Variants in LRRC27 observed in about 807,000 individuals in gnomAD.
LRRC27 encodes the protein leucine-rich repeat-containing protein 27.
In LRRC27, 57 loss-of-function variants were observed where a neutral mutation model predicts 55.0. The observed-to-expected ratio is 1.04, with a 90% CI of 0.84 to 1.29. The LOEUF is 1.29. Among genes scored for constraint, LRRC27 ranks in the 50% most tolerant of loss-of-function variants. The probability of loss-of-function intolerance (pLI) is 0.00; values close to 1 mark genes in which losing one functional copy is unlikely to be tolerated. For synonymous variants in LRRC27, 278 were observed against 251.9 expected (o/e 1.10, Z -0.98); for missense variants, 721 against 651.5 (o/e 1.11, Z -1.16).
chr10:132,354,677 C>T (rs532284170), intron 7 of LRRC27, among the ~76,000 whole-genome samples: 62 of 152,320 alleles, frequency 4.1e-4, no homozygotes, highest in African/African-American at 1.3e-3. Flanking sequence ...AGAGGTGGGC[C>T]GTGGGCCGGG....
At chr10:132,343,189 C>A (rs1374496014) in intron 4 of LRRC27, among the ~76,000 whole-genome samples, 2 of 152,064 alleles carry the variant, frequency 1.3e-5, no homozygotes. Context: ...GTAGTGCATG[C>A]CTGTGTTCCT....
At chr10:132,373,707 G>GAAGAAGAGGA (rs1276712896) in intron 10 of LRRC27, among the ~76,000 whole-genome samples, 1 of 152,212 alleles carries the variant, frequency 6.6e-6, no homozygotes, top group Non-Finnish European at 1.5e-5. Context: ...AGGAAGGTAA[G>GAAGAAGAGGA]AGTTCCAGAA....
At chr10:132,352,136 C>T (rs1182891029) in intron 7 of LRRC27, among the ~76,000 whole-genome samples, 2 of 77,266 alleles carry the variant, frequency 2.6e-5, no homozygotes, top group African/African-American at 4.5e-5. Flanking sequence ...CTGAGGCCTC[C>T]GTGTGGGGCA....
At position 132,375,334 on chromosome 10, in the gene LRRC27, C is replaced by G; in HGVS notation, c.*92C>G. 1 of 1,255,944 alleles carries G rather than the reference C, an allele frequency of 8.0e-7. No homozygotes were observed. The highest frequency in any genetic ancestry group is 1.4e-5 in the South Asian group (1 of 69,814). The allele number at this position is 1,255,944 out of a possible 1,614,324, so 77.8% of individuals were successfully genotyped here. The stretch of plus-strand genomic sequence containing the variant: ...CGCCTCCTGTGTGGTGCCGGAAGAG[C>G]GCCAGGTTCAGTGTTACCCTGAGGG... On this transcript the variant is annotated 3_prime_UTR_variant, in exon 11 of 11. Coordinates refer to ENST00000368614, the MANE Select transcript of LRRC27 (RefSeq NM_030626.3).
At position 132,349,279 on chromosome 10, in the gene LRRC27, T is replaced by A. The variant is rs958920747; in HGVS notation, c.926+923T>A. On this transcript the variant is annotated intron_variant, in intron 6 of 10. Coordinates refer to ENST00000368614, the MANE Select transcript of LRRC27 (RefSeq NM_030626.3). ...GTGGTCCCTCAGGCTCCACGCAGCGTCCAGCACGAGCAGGTTCACAGTGGC... is the reference window on the plus strand; with the variant it reads ...GTGGTCCCTCAGGCTCCACGCAGCGACCAGCACGAGCAGGTTCACAGTGGC... 5.3e-5 allele frequency among the ~76,000 whole-genome samples: 8 copies of A among 152,174 alleles called. 1 individual carries two copies. The highest frequency in any genetic ancestry group is 1.4e-4 in the African/African-American group (6 of 41,440).
intron 3 of LRRC27, 125 bp from the exon 4 acceptor site, chr10:132,342,088 T>C (rs1355127509): frequency 1.6e-6 from 1 of 622,828 alleles, no homozygotes; most frequent in Non-Finnish European, 2.8e-6. Flanking sequence ...TGTTGTAAAT[T>C]TAAGTGTATC....
chr10:132,341,060 C>T (rs2067390278), intron 3 of LRRC27, among the ~76,000 whole-genome samples: 1 of 152,140 alleles, frequency 6.6e-6, no homozygotes, highest in Non-Finnish European at 1.5e-5. Context: ...CTTTGAGAGG[C>T]TGAGGCGGGA....
chr10:132,362,358 A>C (rs2068661822), intron 9 of LRRC27, among the ~76,000 whole-genome samples: 1 of 152,120 alleles, frequency 6.6e-6, no homozygotes, highest in Admixed American at 6.5e-5. Context: ...GGGGAAGGGT[A>C]GGGGCTCAGA....
intron 9 of LRRC27, among the ~76,000 whole-genome samples, chr10:132,364,371 ACCCACCCACACTTACACCCACC>A: frequency 7.2e-5 from 1 of 13,828 alleles, no homozygotes; most frequent in South Asian, 6.7e-3. Flanking sequence ...CCGCGCTTAC[ACCCACCCACACTTACACCCACC>A]CTTACATCTA....
At chr10:132,364,880 C>G (rs1035581572) in intron 9 of LRRC27, among the ~76,000 whole-genome samples, 1 of 17,230 alleles carries the variant, frequency 5.8e-5, no homozygotes, top group East Asian at 1.4e-3. Context: ...GGAGTGGACC[C>G]CGCCACCCCA....
intron 6 of LRRC27, chr10:132,349,076 C>A (rs1438737177): frequency 5.9e-6 from 9 of 1,537,012 alleles, no homozygotes; most frequent in Non-Finnish European, 8.1e-6. Flanking sequence ...CTGTGGTGTG[C>A]GTGTGTGTGC....
At chr10:132,337,264 A>C (rs1014309426) in intron 2 of LRRC27, 1 of 1,201,868 alleles carries the variant, frequency 8.3e-7, no homozygotes, top group Non-Finnish European at 1.0e-6. Context: ...CCCGGAATTC[A>C]GACCATGTCA....
At chr10:132,343,491 G>C (rs1438193834) in intron 4 of LRRC27, among the ~76,000 whole-genome samples, 1 of 152,254 alleles carries the variant, frequency 6.6e-6, no homozygotes, top group African/African-American at 2.4e-5. Context: ...TAAAGAAGGA[G>C]TTTGGGTGTG....
At chr10:132,367,446 A>G (rs1005852946) in intron 10 of LRRC27, among the ~76,000 whole-genome samples, 3 of 152,250 alleles carry the variant, frequency 2.0e-5, no homozygotes, top group East Asian at 1.9e-4. Context: ...AGATATTACA[A>G]GAAAGGAAAA....
chr10:132,371,171 G>A (rs1476807246), intron 10 of LRRC27, among the ~76,000 whole-genome samples: 1 of 152,270 alleles, frequency 6.6e-6, no homozygotes, highest in African/African-American at 2.4e-5. Context: ...TCTGCGCAGT[G>A]CCGCGCATGG....
intron 9 of LRRC27, among the ~76,000 whole-genome samples, chr10:132,364,376 C>CGCTTACATCTACCTCCACGCCCA: frequency 8.0e-6 from 1 of 124,546 alleles, no homozygotes; most frequent in Middle Eastern, 4.4e-3. Flanking sequence ...CTTACACCCA[C>CGCTTACATCTACCTCCACGCCCA]CCACACTTAC....
At chr10:132,349,597 T>A (rs1373842090) in intron 6 of LRRC27, among the ~76,000 whole-genome samples, 1 of 152,196 alleles carries the variant, frequency 6.6e-6, no homozygotes, top group Admixed American at 6.5e-5. Flanking sequence ...CTTCAAATAT[T>A]TATTTATTGT....
At chr10:132,344,468 T>C in intron 4 of LRRC27, 30 bp from the exon 5 acceptor site, 2 of 1,593,554 alleles carry the variant, frequency 1.3e-6, no homozygotes, top group Non-Finnish European at 1.7e-6. Flanking sequence ...GTATATAGAA[T>C]GCTGACAGTT....
rs560084825 is a variant in LRRC27 at position 132,375,690 on chromosome 10, A to G, written c.*448A>G. ...TGGCTAGGAGGGAGGGGTGACAGCCAAAAAGGGCTTCGGGGGAGTGGTTAC... is the reference window on the plus strand; with the variant it reads ...TGGCTAGGAGGGAGGGGTGACAGCCGAAAAGGGCTTCGGGGGAGTGGTTAC... On this transcript the variant is annotated 3_prime_UTR_variant, in exon 11 of 11. Transcript: ENST00000368614. The G allele has an allele frequency of 3.9e-5, 6 of 154,194 alleles. No individual in the cohort carries two copies. In the East Asian group the frequency reaches 1.1e-3, roughly 29 times the overall value. 9.6% of individuals were successfully genotyped at this position (154,194 alleles called of 1,614,324 possible). A position where few individuals can be genotyped will look rare whatever the true frequency, so the allele number is the denominator to read the frequency against.
Sources: gnomAD v4.1 joint callset for allele counts (sites outside exome capture counted in the v4.1 genomes callset) on GRCh38, gnomAD v4.1.1 for gene constraint, MANE v1.5 for transcripts, NCBI Gene and HGNC (gene_info 2026-07-23, HGNC 2026-07-21) for gene names.